The following NPAS3 variants were observed in gnomAD, a reference collection of about 807,000 sequenced individuals.
NPAS3 encodes neuronal PAS domain-containing protein 3.
In NPAS3, 14 loss-of-function variants were observed where a neutral mutation model predicts 73.1. That is an observed-to-expected ratio of 0.19 (90% confidence interval 0.13 to 0.30). The LOEUF (loss-of-function observed/expected upper bound fraction) is 0.30. NPAS3 is among the 10% of genes least tolerant of loss of function. The pLI is 1.00. For synonymous variants in NPAS3, 620 were observed against 541.5 expected (o/e 1.14, Z -2.01); for missense variants, 1,096 against 1,250.0 (o/e 0.88, Z 1.86).
At chr14:32,943,027 C>A (rs1044718095) in intron 1 of NPAS3, among the ~76,000 whole-genome samples, 7 of 152,080 alleles carry the variant, frequency 4.6e-5, no homozygotes, top group African/African-American at 1.7e-4. Flanking sequence ...TAAGACCCTC[C>A]CTCATTACAA....
chr14:33,218,401 C>G (rs2047302917), intron 3 of NPAS3, among the ~76,000 whole-genome samples: 1 of 152,122 alleles, frequency 6.6e-6, no homozygotes, highest in South Asian at 2.1e-4. Context: ...TATTGCTTTA[C>G]TCTAGTTCTT....
intron 5 of NPAS3, among the ~76,000 whole-genome samples, chr14:33,595,924 C>T (rs903071043): frequency 5.9e-5 from 9 of 152,138 alleles, no homozygotes; most frequent in African/African-American, 1.7e-4. Context: ...ACCGCCTAGG[C>T]CTCCCAAAGT....
intron 3 of NPAS3, among the ~76,000 whole-genome samples, chr14:33,245,924 GTTT>G (rs5807708): frequency 2.7e-5 from 4 of 146,272 alleles, no homozygotes; most frequent in African/African-American, 2.5e-5. Flanking sequence ...AGCAATAGGT[GTTT>G]TTTTTTTTTT....
intron 3 of NPAS3, among the ~76,000 whole-genome samples, chr14:33,310,449 G>A (rs1045604900): frequency 2.6e-5 from 4 of 152,110 alleles, no homozygotes; most frequent in African/African-American, 9.7e-5. Flanking sequence ...TGAGTAGAGA[G>A]CAAGACAGAC....
intron 2 of NPAS3, among the ~76,000 whole-genome samples, chr14:33,136,250 A>G (rs746506958): frequency 1.8e-4 from 28 of 151,858 alleles, no homozygotes; most frequent in African/African-American, 4.6e-4. Context: ...TAGTAGAGAC[A>G]GGGTTTCACC....
At chr14:33,662,970 C>A (rs183051673) in intron 5 of NPAS3, among the ~76,000 whole-genome samples, 4 of 149,536 alleles carry the variant, frequency 2.7e-5, no homozygotes, top group Middle Eastern at 3.5e-3. Context: ...ACGCCATTCT[C>A]CTGCCTCAGC....
intron 2 of NPAS3, among the ~76,000 whole-genome samples, chr14:33,080,163 A>G (rs2041819877): frequency 1.3e-5 from 2 of 152,016 alleles, no homozygotes; most frequent in South Asian, 2.1e-4. Flanking sequence ...GCTGGAGTGC[A>G]GTGGAGTGAT....
chr14:33,674,918 T>A (rs1174434973), intron 5 of NPAS3, among the ~76,000 whole-genome samples: 1 of 152,160 alleles, frequency 6.6e-6, no homozygotes, highest in African/African-American at 2.4e-5. Context: ...CAAGAATTGC[T>A]CTGAGTATTA....
At chr14:33,494,627 T>G (rs1250866094) in intron 4 of NPAS3, among the ~76,000 whole-genome samples, 2 of 152,142 alleles carry the variant, frequency 1.3e-5, no homozygotes, top group African/African-American at 4.8e-5. Context: ...ATGTAAAGTT[T>G]CAAAGGTCAG....
At chr14:33,443,108 C>T (rs1260193008) in intron 4 of NPAS3, among the ~76,000 whole-genome samples, 1 of 152,186 alleles carries the variant, frequency 6.6e-6, no homozygotes, top group Non-Finnish European at 1.5e-5. Flanking sequence ...TCAGTTAACA[C>T]TGAATTCCTT....
At chr14:33,305,354 T>C (rs1453499118) in intron 3 of NPAS3, among the ~76,000 whole-genome samples, 2 of 152,264 alleles carry the variant, frequency 1.3e-5, no homozygotes, top group African/African-American at 4.8e-5. Flanking sequence ...CAATTCTGTT[T>C]CTAATGAAAC....
intron 2 of NPAS3, among the ~76,000 whole-genome samples, chr14:33,114,866 G>T (rs1370332381): frequency 6.6e-6 from 1 of 152,036 alleles, no homozygotes; most frequent in Non-Finnish European, 1.5e-5. Flanking sequence ...TATGTATTAG[G>T]GTAGATTACA....
At chr14:33,092,675 A>C (rs4470065) in intron 2 of NPAS3, among the ~76,000 whole-genome samples, 35,186 of 152,160 alleles carry the variant, frequency 0.23, 4,202 homozygotes, top group South Asian at 0.36. Flanking sequence ...ATCCTAAGCC[A>C]AAAGGACAAA....
At chr14:33,758,360 G>A (rs534872651) in intron 7 of NPAS3, among the ~76,000 whole-genome samples, 2 of 152,260 alleles carry the variant, frequency 1.3e-5, no homozygotes, top group East Asian at 1.9e-4. Flanking sequence ...TGAAAGGCTC[G>A]CCCTAGTGCC....
chr14:33,059,846 G>T (rs1212556378), intron 2 of NPAS3, among the ~76,000 whole-genome samples: 1 of 152,168 alleles, frequency 6.6e-6, no homozygotes, highest in Non-Finnish European at 1.5e-5. Flanking sequence ...TTGCTCTGTT[G>T]CCTAGGCAGT....
chr14:33,768,642 G>C (rs1003986162), intron 7 of NPAS3, among the ~76,000 whole-genome samples: 1 of 152,084 alleles, frequency 6.6e-6, no homozygotes, highest in Non-Finnish European at 1.5e-5. Flanking sequence ...GAGAATTGTA[G>C]GCATCATTGC....
At chr14:33,387,592 T>G (rs1461277087) in intron 4 of NPAS3, among the ~76,000 whole-genome samples, 10 of 152,072 alleles carry the variant, frequency 6.6e-5, no homozygotes, top group African/African-American at 2.2e-4. Flanking sequence ...GGTAGGGGGC[T>G]GCCTGCACTT....
chr14:33,445,732 C>T (rs1375880831), intron 4 of NPAS3, among the ~76,000 whole-genome samples: 1 of 152,180 alleles, frequency 6.6e-6, no homozygotes, highest in East Asian at 1.9e-4. Context: ...TTCAAGTCAA[C>T]CTACTTGAAT....
intron 2 of NPAS3, among the ~76,000 whole-genome samples, chr14:33,122,340 C>T (rs543083489): frequency 6.6e-6 from 1 of 152,098 alleles, no homozygotes; most frequent in South Asian, 2.1e-4. Context: ...ATAACCATCA[C>T]CTTTCTCCAG....
Sources: allele counts gnomAD v4.1 joint callset (sites outside exome capture counted in the v4.1 genomes callset), GRCh38; gene constraint gnomAD v4.1.1; transcripts MANE v1.5; gene names NCBI Gene and HGNC (gene_info 2026-07-23, HGNC 2026-07-21).